The following ZMAT4 variants were observed in gnomAD, a reference collection of about 807,000 sequenced individuals.
ZMAT4 encodes the protein zinc finger matrin-type protein 4.
ZMAT4 carries 17 observed loss-of-function variants against 28.7 expected under a neutral mutation model. The ratio of observed to expected loss-of-function variants is 0.59; its 90% CI spans 0.41 to 0.89. The LOEUF is 0.89. Among genes scored for constraint, ZMAT4 ranks in the 40% least tolerant of loss-of-function variants. The pLI is 0.00. For missense variants in ZMAT4, 240 were observed against 283.8 expected, an observed-to-expected ratio of 0.85 and a Z score of 1.11; for synonymous variants, 117 against 109.2, an observed-to-expected ratio of 1.07 and a Z score of -0.44.
rs145605547 is a variant in ZMAT4 at position 40,684,800 on chromosome 8, G to C, written c.350-9869C>G. On this transcript the variant is annotated intron_variant, in intron 4 of 6. Transcript: ENST00000297737. ...TGGCCTTTTGTCCTGGGCTAGAATA[G>C]AGCTGTGACTTTAGAATGAATTTAC... Among the ~76,000 whole-genome samples the C allele has an allele frequency of 4.4e-3, 671 of 152,284 alleles. 3 individuals carry two copies. Among genetic ancestry groups the C allele is most frequent in the Admixed American group, 6.3e-3 (96 of 15,296 alleles).
intron 6 of ZMAT4, among the ~76,000 whole-genome samples, chr8:40,535,041 G>A (rs564539675): frequency 1.7e-4 from 26 of 152,142 alleles, no homozygotes; most frequent in South Asian, 4.2e-4. Context: ...CTTTTCATGG[G>A]GTCTCAGGAA....
At chr8:40,723,227 T>TAGAAA (rs1196092008) in intron 3 of ZMAT4, among the ~76,000 whole-genome samples, 1 of 152,112 alleles carries the variant, frequency 6.6e-6, no homozygotes, top group Admixed American at 6.5e-5. Context: ...AAAATATACC[T>TAGAAA]TCTAATAGAA....
intron 6 of ZMAT4, among the ~76,000 whole-genome samples, chr8:40,549,526 G>A (rs997603609): frequency 6.6e-6 from 1 of 152,146 alleles, no homozygotes; most frequent in African/African-American, 2.4e-5. Context: ...CTTTTGATGA[G>A]AGAATGGCTC....
Position 40,846,024 on chromosome 8 carries a change from G to A in ZMAT4, c.-4-20344C>T, listed in dbSNP as rs139633138. On this transcript the variant is annotated intron_variant, in intron 1 of 6. Coordinates refer to ENST00000297737, the MANE Select transcript of ZMAT4 (RefSeq NM_024645.3). Reference sequence around the variant, plus strand: ...CAGCCTCTTTCAAACTCCAGAGAGAGCATCTCTACCACAGCCTTCCCAAGG... The same window carrying A: ...CAGCCTCTTTCAAACTCCAGAGAGAACATCTCTACCACAGCCTTCCCAAGG... 8.0e-4 allele frequency among the ~76,000 whole-genome samples: 121 copies of A among 152,176 alleles called. 1 individual carries two copies. Among genetic ancestry groups the A allele is most frequent in the African/African-American group, 2.7e-3 (112 of 41,510 alleles).
At chr8:40,812,329 T>C (rs1352832774) in intron 2 of ZMAT4, among the ~76,000 whole-genome samples, 1 of 152,144 alleles carries the variant, frequency 6.6e-6, no homozygotes, top group African/African-American at 2.4e-5. Context: ...TGATGTGACA[T>C]AATGAGAAGG....
chr8:40,857,698 A>G (rs918806053), intron 1 of ZMAT4, among the ~76,000 whole-genome samples: 6 of 152,242 alleles, frequency 3.9e-5, no homozygotes, highest in South Asian at 2.1e-4. Context: ...AAATAAAAAC[A>G]TATGTCCCCA....
At chr8:40,803,864 G>A (rs1814961312) in intron 2 of ZMAT4, among the ~76,000 whole-genome samples, 1 of 152,120 alleles carries the variant, frequency 6.6e-6, no homozygotes, top group Non-Finnish European at 1.5e-5. Context: ...TAAGCTGTGG[G>A]ACATCCAAAC....
At chr8:40,630,124 C>T (rs1040074610) in intron 5 of ZMAT4, among the ~76,000 whole-genome samples, 18 of 152,190 alleles carry the variant, frequency 1.2e-4, no homozygotes, top group African/African-American at 4.1e-4. Flanking sequence ...AAATGTCCAA[C>T]CCTCAACAGT....
chr8:40,637,243 A>T (rs1405255747), intron 5 of ZMAT4, among the ~76,000 whole-genome samples: 1 of 152,204 alleles, frequency 6.6e-6, no homozygotes, highest in Non-Finnish European at 1.5e-5. Context: ...AATCAAAATA[A>T]AATAACATAA....
intron 5 of ZMAT4, among the ~76,000 whole-genome samples, chr8:40,661,080 T>C (rs781412369): frequency 1.3e-5 from 2 of 152,164 alleles, no homozygotes; most frequent in Admixed American, 6.5e-5. Flanking sequence ...CATCAATAAG[T>C]ATGTTCTACT....
intron 2 of ZMAT4, among the ~76,000 whole-genome samples, chr8:40,774,213 A>G (rs1813498193): frequency 6.6e-6 from 1 of 152,194 alleles, no homozygotes; most frequent in Admixed American, 6.5e-5. Context: ...ACAACATTAA[A>G]ATAGACAAAG....
At chr8:40,620,741 T>G (rs926212155) in intron 5 of ZMAT4, among the ~76,000 whole-genome samples, 7 of 152,216 alleles carry the variant, frequency 4.6e-5, no homozygotes, top group Non-Finnish European at 1.0e-4. Context: ...ATGGCCCTGG[T>G]AGGTTGTAAT....
intron 5 of ZMAT4, among the ~76,000 whole-genome samples, chr8:40,589,046 C>A (rs922554861): frequency 6.6e-6 from 1 of 152,168 alleles, no homozygotes; most frequent in Non-Finnish European, 1.5e-5. Context: ...TCTTTCTCTT[C>A]CACTTCTGAT....
intron 1 of ZMAT4, among the ~76,000 whole-genome samples, chr8:40,877,685 CGTGT>C (rs137928950): frequency 6.6e-6 from 1 of 151,416 alleles, no homozygotes; most frequent in South Asian, 2.1e-4. Flanking sequence ...TAAACATATG[CGTGT>C]GTGTGTGTGT....
intron 4 of ZMAT4, among the ~76,000 whole-genome samples, chr8:40,686,224 A>G (rs750245594): frequency 6.6e-6 from 1 of 152,136 alleles, no homozygotes; most frequent in African/African-American, 2.4e-5. Flanking sequence ...ACTTAAAAAA[A>G]AAATCACAGG....
chr8:40,863,245 A>C (rs538497194), intron 1 of ZMAT4, among the ~76,000 whole-genome samples: 1 of 152,050 alleles, frequency 6.6e-6, no homozygotes, highest in Non-Finnish European at 1.5e-5. Flanking sequence ...TCTGATTTGT[A>C]TTACTGTTGC....
chr8:40,839,541 C>T (rs1428985277), intron 1 of ZMAT4, among the ~76,000 whole-genome samples: 12 of 152,220 alleles, frequency 7.9e-5, no homozygotes, highest in Non-Finnish European at 1.6e-4. Flanking sequence ...TATTACAGCA[C>T]TAGTCATGAC....
intron 1 of ZMAT4, among the ~76,000 whole-genome samples, chr8:40,854,929 TCACACA>T (rs148119447): frequency 3.1e-4 from 47 of 151,296 alleles, no homozygotes; most frequent in Admixed American, 5.9e-4. Flanking sequence ...ATTATTGTTT[TCACACA>T]CACACACACA....
chr8:40,683,259 C>T (rs764304507), intron 4 of ZMAT4, among the ~76,000 whole-genome samples: 1 of 152,176 alleles, frequency 6.6e-6, no homozygotes, highest in African/African-American at 2.4e-5. Flanking sequence ...ATGATAGCAT[C>T]CACTCTGTCC....
Sources: gnomAD v4.1 joint callset for allele counts (sites outside exome capture counted in the v4.1 genomes callset) on GRCh38, gnomAD v4.1.1 for gene constraint, MANE v1.5 for transcripts, NCBI Gene and HGNC (gene_info 2026-07-23, HGNC 2026-07-21) for gene names.